Variants in TFEB observed in about 807,000 individuals in gnomAD.
TFEB encodes the protein T-cell transcription factor EB.
TFEB carries 12 observed loss-of-function variants against 48.0 expected under a neutral mutation model. The observed-to-expected ratio is 0.25, with a 90% CI of 0.16 to 0.40. The LOEUF (loss-of-function observed/expected upper bound fraction) is 0.40. Among genes scored for constraint, TFEB ranks in the 10% least tolerant of loss-of-function variants. The probability of loss-of-function intolerance (pLI) is 1.00; values close to 1 mark genes in which losing one functional copy is unlikely to be tolerated. For synonymous variants in TFEB, 244 were observed against 261.4 expected (o/e 0.93, Z 0.64); for missense variants, 509 against 640.3 (o/e 0.79, Z 2.21).
chr6:41,736,031 C>G, upstream of TFEB: 2 of 1,378,832 alleles, frequency 1.5e-6, no homozygotes, highest in South Asian at 2.3e-5. Flanking sequence ...CACTTTTATC[C>G]CTGCCCCGAT....
intron 8 of TFEB, 56 bp from the exon 9 acceptor site, chr6:41,685,134 G>A: frequency 7.2e-7 from 1 of 1,379,588 alleles, no homozygotes. Context: ...CAGCCACCAG[G>A]ACCCCTCCCC....
At chr6:41,700,275 G>C (rs1769832441) in intron 1 of TFEB, among the ~76,000 whole-genome samples, 1 of 152,110 alleles carries the variant, frequency 6.6e-6, no homozygotes, top group Admixed American at 6.5e-5. Flanking sequence ...GACCATCCTG[G>C]CTAACACGGT....
intron 1 of TFEB, among the ~76,000 whole-genome samples, chr6:41,709,145 G>C (rs1561863869): frequency 6.6e-6 from 1 of 152,170 alleles, no homozygotes; most frequent in Non-Finnish European, 1.5e-5. Context: ...TGGCATGCCT[G>C]TTCATTCAAT....
At position 41,699,075 on chromosome 6, in the gene TFEB, G is replaced by A. The variant is rs556181357; in HGVS notation, c.-22-7840C>T. ...TATGATGCTGTGGGAAAGGCCAAGT[G>A]CTTGGGTTCAAGTCTTAGCCTTGGG... On this transcript the variant is annotated intron_variant, in intron 1 of 8. Transcript: ENST00000373033. 2.6e-5 allele frequency among the ~76,000 whole-genome samples: 4 copies of A among 152,382 alleles called. No homozygotes were observed. In the South Asian group the frequency reaches 8.3e-4, roughly 32 times the overall value.
At chr6:41,736,135 G>A (rs368415522), upstream of TFEB, 20 of 1,612,694 alleles carry the variant, frequency 1.2e-5, no homozygotes, top group Non-Finnish European at 1.7e-5. Flanking sequence ...CTACATTCAC[G>A]CCCCACTCAC....
rs1768868309 is a variant in TFEB, at chr6:41,684,282, AGACAGG to A, written c.*311_*316del. ...TGGTAATGAGGGGCTCGGGCTCAGA[AGACAGG>A]GAATCTCCACCAGGCCCTCTTCTCA... On this transcript the variant is annotated 3_prime_UTR_variant, in exon 9 of 9. Coordinates refer to ENST00000373033, the MANE Select transcript of TFEB (RefSeq NM_001271944.2). The A allele has an allele frequency of 3.5e-6, 1 of 289,232 alleles. No homozygotes were observed. The highest frequency in any genetic ancestry group is 5.2e-5 in the Admixed American group (1 of 19,300). The allele number at this position is 289,232 out of a possible 1,614,324, so 17.9% of individuals were successfully genotyped here. A position where few individuals can be genotyped will look rare whatever the true frequency, so the allele number is the denominator to read the frequency against.
chr6:41,711,519 G>T (rs1037266203), intron 1 of TFEB, among the ~76,000 whole-genome samples: 9 of 152,172 alleles, frequency 5.9e-5, no homozygotes, highest in African/African-American at 2.2e-4. Context: ...TCTCTTCCCT[G>T]CCTGTCCCCA....
At chr6:41,711,254 T>C (rs1037212311) in intron 1 of TFEB, among the ~76,000 whole-genome samples, 17 of 152,244 alleles carry the variant, frequency 1.1e-4, no homozygotes, top group Non-Finnish European at 2.1e-4. Context: ...CCTCTCTGGT[T>C]TTCTCAGCTG....
chr6:41,722,389 A>G (rs951296011), intron 1 of TFEB, among the ~76,000 whole-genome samples: 1 of 152,222 alleles, frequency 6.6e-6, no homozygotes, highest in East Asian at 1.9e-4. Context: ...CACAGGCTGC[A>G]AGGCCAGCCC....
At chr6:41,709,969 G>A (rs1406144392) in intron 1 of TFEB, among the ~76,000 whole-genome samples, 2 of 151,998 alleles carry the variant, frequency 1.3e-5, no homozygotes, top group East Asian at 3.9e-4. Flanking sequence ...TTTATTTTTT[G>A]TAGAGATGGG....
At chr6:41,714,096 C>T (rs536825801) in intron 1 of TFEB, among the ~76,000 whole-genome samples, 38 of 150,376 alleles carry the variant, frequency 2.5e-4, no homozygotes, top group Non-Finnish European at 2.7e-4. Context: ...CCTGTGTGTG[C>T]GTGTGTGTGT....
chr6:41,721,024 A>G (rs1464968840), intron 1 of TFEB, among the ~76,000 whole-genome samples: 1 of 140,630 alleles, frequency 7.1e-6, no homozygotes, highest in Non-Finnish European at 1.5e-5. Flanking sequence ...CCCCAGCCCC[A>G]GCCCCCAGGA....
In TFEB at chr6:41,684,085, G is replaced by C. The variant is rs1364536515; in HGVS notation, c.*514C>G. The C allele has an allele frequency of 4.3e-6, 1 of 231,546 alleles. No individual in the cohort carries two copies. Among genetic ancestry groups the C allele is most frequent in the Non-Finnish European group, 8.6e-6 (1 of 116,772 alleles). The allele number at this position is 231,546 out of a possible 1,614,324, so 14.3% of individuals were successfully genotyped here. A position where few individuals can be genotyped will look rare whatever the true frequency, so the allele number is the denominator to read the frequency against. On this transcript the variant is annotated 3_prime_UTR_variant, in exon 9 of 9. Transcript: ENST00000373033. Reference sequence around the variant, plus strand: ...GGCAGCCCCCGCGCTCACACCACCTGGTGGAGAGCTATTAGCACCAAAGTG... The same window carrying C: ...GGCAGCCCCCGCGCTCACACCACCTCGTGGAGAGCTATTAGCACCAAAGTG...
At chr6:41,701,661 T>C (rs1403579581) in intron 1 of TFEB, among the ~76,000 whole-genome samples, 7 of 152,144 alleles carry the variant, frequency 4.6e-5, no homozygotes, top group Non-Finnish European at 2.9e-5. Flanking sequence ...AAAGGTTAAG[T>C]AGGCCAGGCG....
Position 41,714,133 on chromosome 6 carries a change from A to G in TFEB, c.-23+21217T>C, listed in dbSNP as rs200010724. ...CACGTGTGTGTGTGTGTGCGTGTGC[A>G]TGTGTGCGTGTGTGTGCATGTGCAT... On this transcript the variant is annotated intron_variant, in intron 1 of 8. Transcript: ENST00000373033. Among the ~76,000 whole-genome samples the G allele has an allele frequency of 7.4e-4, 87 of 116,918 alleles. No individual in the cohort carries two copies. In the East Asian group the frequency reaches 0.018, roughly 25 times the overall value. The allele number at this position is 116,918 out of a possible 152,430, so 76.7% of individuals were successfully genotyped here.
rs1229551095 is a variant in TFEB, at chr6:41,724,234, G to T, written c.-23+11116C>A. ...CAGCCTGCCAAAGAGACTGGGCAGA[G>T]ATTTCACTTAGTGCTTCTTTCTGGT... is the stretch of plus-strand genomic sequence containing the variant. On this transcript the variant is annotated intron_variant, in intron 1 of 8. Coordinates refer to ENST00000373033, the MANE Select transcript of TFEB (RefSeq NM_001271944.2). The surrounding 1 kb of genome is among the most constrained non-coding windows in gnomAD (Gnocchi z 4.4). Among the ~76,000 whole-genome samples the T allele has an allele frequency of 6.6e-6, 1 of 152,246 alleles. No individual in the cohort carries two copies. The highest frequency in any genetic ancestry group is 1.5e-5 in the Non-Finnish European group (1 of 68,040).
In TFEB at chr6:41,735,579, C is replaced by G; in HGVS notation, c.-252G>C. 1 of 984,284 alleles carries G rather than the reference C, an allele frequency of 1.0e-6. No homozygotes were observed. Among genetic ancestry groups the G allele is most frequent in the South Asian group, 4.7e-5 (1 of 21,390 alleles). 61.0% of individuals were successfully genotyped at this position (984,284 alleles called of 1,614,324 possible). A position where few individuals can be genotyped will look rare whatever the true frequency, so the allele number is the denominator to read the frequency against. Reference sequence around the variant, plus strand: ...CCTCCGCTGTCACCGAGCCCCGCGCCCGGCGCCCGGGCTCCGGCTGTCACT... The same window carrying G: ...CCTCCGCTGTCACCGAGCCCCGCGCGCGGCGCCCGGGCTCCGGCTGTCACT... On this transcript the variant is annotated 5_prime_UTR_variant, in exon 1 of 9. Coordinates refer to ENST00000373033, the MANE Select transcript of TFEB (RefSeq NM_001271944.2).
In TFEB at chr6:41,730,122, GAA is replaced by G. The variant is rs11478857; in HGVS notation, c.-23+5226_-23+5227del. ...GAGAAAGGGCATTGGAATCATCCCA[GAA>G]AAAAAAAAAATTAAATAAAGATGCC... On this transcript the variant is annotated intron_variant, in intron 1 of 8. Transcript: ENST00000373033. The surrounding 1 kb of genome is among the most constrained non-coding windows in gnomAD (Gnocchi z 4.1). 9.4e-5 allele frequency among the ~76,000 whole-genome samples: 14 copies of G among 149,320 alleles called. No individual in the cohort carries two copies. The highest frequency in any genetic ancestry group is 8.5e-4 in the South Asian group (4 of 4,712).
chr6:41,684,805 C>G lies in TFEB; in HGVS notation c.1225G>C (p.Gly409Arg), dbSNP rs1768904998. ...SLSFGGREDEGPPGYPEPLAP... is the reference protein window; with the variant it reads ...SLSFGGREDERPPGYPEPLAP... Reference sequence around the variant, plus strand: ...AGGGGTTCGGGGTAGCCCGGGGGACCCTCGTCCTCCCTGCCCCCAAAGCTC... The same window carrying G: ...AGGGGTTCGGGGTAGCCCGGGGGACGCTCGTCCTCCCTGCCCCCAAAGCTC... The change falls in exon 9 of 9, where the codon GGT becomes CGT. Residue 409 changes from glycine (G) to arginine (R), a missense_variant. By Grantham distance (125) the Gly-to-Arg change is moderately radical. Coordinates refer to ENST00000373033, the MANE Select transcript of TFEB (RefSeq NM_001271944.2). 4 of 1,600,312 alleles carry G rather than the reference C, an allele frequency of 2.5e-6. No homozygotes were observed. The East Asian group carries it at 9.0e-5, about 36-fold the overall frequency.
Sources: gnomAD v4.1 joint callset for allele counts (sites outside exome capture counted in the v4.1 genomes callset) on GRCh38, gnomAD v4.1.1 for gene constraint, Gnocchi (gnomAD v3.1) non-coding constraint, MANE v1.5 for transcripts, NCBI Gene and HGNC (gene_info 2026-07-23, HGNC 2026-07-21) for gene names.